The following EPHA6 variants were observed in gnomAD, a reference collection of about 807,000 sequenced individuals.
The protein encoded by EPHA6 is ephrin type-A receptor 6.
A neutral mutation model predicts 112.0 loss-of-function variants in EPHA6; 50 were observed. The ratio of observed to expected loss-of-function variants is 0.45; its 90% CI spans 0.36 to 0.56. The LOEUF (loss-of-function observed/expected upper bound fraction) is 0.56. Ranked by LOEUF, EPHA6 falls within the 20% of genes least tolerant of loss-of-function variation. The probability of loss-of-function intolerance (pLI) is 0.00; values close to 1 mark genes in which losing one functional copy is unlikely to be tolerated. For synonymous variants in EPHA6, 529 were observed against 490.7 expected (o/e 1.08, Z -1.03); for missense variants, 1,280 against 1,417.4 (o/e 0.90, Z 1.56).
At chr3:96,992,521 T>C (rs1046171272) in intron 3 of EPHA6, among the ~76,000 whole-genome samples, 3 of 152,220 alleles carry the variant, frequency 2.0e-5, no homozygotes, top group Non-Finnish European at 4.4e-5. Context: ...TCATGTATAA[T>C]GCTTCATCTG....
intron 6 of EPHA6, 122 bp downstream of exon 6, chr3:97,405,396 T>C (rs1296376154): frequency 3.4e-5 from 26 of 763,798 alleles, no homozygotes; most frequent in Non-Finnish European, 5.1e-5. Context: ...CCTAGCCTCA[T>C]ACCTTCTGTT....
chr3:97,348,089 T>C (rs1164484699), intron 5 of EPHA6, among the ~76,000 whole-genome samples: 1 of 152,138 alleles, frequency 6.6e-6, no homozygotes, highest in Admixed American at 6.6e-5. Context: ...TTTACATACA[T>C]GCTTTCTATG....
intron 14 of EPHA6, among the ~76,000 whole-genome samples, chr3:97,715,834 AG>A (rs1256740494): frequency 6.6e-6 from 1 of 152,218 alleles, no homozygotes; most frequent in Non-Finnish European, 1.5e-5. Context: ...CCTATTTATC[AG>A]ACAACAATCT....
intron 5 of EPHA6, among the ~76,000 whole-genome samples, chr3:97,399,345 G>A (rs1485509441): frequency 6.6e-6 from 1 of 151,480 alleles, no homozygotes; most frequent in African/African-American, 2.4e-5. Flanking sequence ...TTCATCTGTT[G>A]ATGGATACTT....
intron 11 of EPHA6, among the ~76,000 whole-genome samples, chr3:97,588,798 G>A (rs1213674263): frequency 1.3e-5 from 2 of 152,152 alleles, no homozygotes; most frequent in Admixed American, 6.5e-5. Flanking sequence ...TTGTTAGTCT[G>A]TTATCTTTTA....
At chr3:97,124,455 G>T (rs1026142588) in intron 3 of EPHA6, among the ~76,000 whole-genome samples, 1 of 132,390 alleles carries the variant, frequency 7.6e-6, no homozygotes, top group Non-Finnish European at 1.5e-5. Flanking sequence ...GATTAGAGAG[G>T]CATTCTGTTT....
Position 97,361,978 on chromosome 3 carries a change from T to A in EPHA6, c.1607-43172T>A, listed in dbSNP as rs138551519. Among the ~76,000 whole-genome samples the A allele has an allele frequency of 3.7e-3, 557 of 152,302 alleles. 2 individuals carry two copies. Among genetic ancestry groups the A allele is most frequent in the African/African-American group, 0.013 (521 of 41,570 alleles). On this transcript the variant is annotated intron_variant, in intron 5 of 17. Coordinates refer to ENST00000389672, the MANE Select transcript of EPHA6 (RefSeq NM_001080448.3). ...AAGTTTACCTAAAAACCTGTTTTTA[T>A]TCATTCAGAAAATATTTCATGAAGA... is the stretch of plus-strand genomic sequence containing the variant.
intron 7 of EPHA6, among the ~76,000 whole-genome samples, chr3:97,450,467 T>C (rs1465682690): frequency 6.6e-6 from 1 of 152,088 alleles, no homozygotes; most frequent in African/African-American, 2.4e-5. Context: ...AAGTGAGAAA[T>C]GCACTCTCAG....
At chr3:96,827,722 A>G (rs569154661) in intron 1 of EPHA6, among the ~76,000 whole-genome samples, 12 of 152,266 alleles carry the variant, frequency 7.9e-5, no homozygotes, top group African/African-American at 2.9e-4. Context: ...TTGGAATCAA[A>G]TGTCCCGAAA....
At position 97,203,178 on chromosome 3, in the gene EPHA6, G is replaced by A. The variant is rs540420737; in HGVS notation, c.1115-23086G>A. Among the ~76,000 whole-genome samples the A allele has an allele frequency of 1.1e-4, 17 of 152,208 alleles. No individual in the cohort carries two copies. In the East Asian group the frequency reaches 2.1e-3, roughly 19 times the overall value. ...GTCTCTGCTTCTAAGGTTCATTGAC[G>A]TATTTACAAGATCACTCTGATCATA... On this transcript the variant is annotated intron_variant, in intron 3 of 17. Coordinates refer to ENST00000389672, the MANE Select transcript of EPHA6 (RefSeq NM_001080448.3).
At chr3:97,251,715 T>C (rs1160686964) in intron 5 of EPHA6, among the ~76,000 whole-genome samples, 1 of 152,330 alleles carries the variant, frequency 6.6e-6, no homozygotes, top group African/African-American at 2.4e-5. Context: ...CTTCCATGTA[T>C]TCCTCTGCAC....
At chr3:97,146,700 T>G (rs1246298165) in intron 3 of EPHA6, among the ~76,000 whole-genome samples, 1 of 151,986 alleles carries the variant, frequency 6.6e-6, no homozygotes, top group African/African-American at 2.4e-5. Context: ...GTCCTTTAGA[T>G]TCTACCTTTC....
intron 13 of EPHA6, chr3:97,612,488 A>G (rs755692290): frequency 9.2e-5 from 31 of 338,344 alleles, no homozygotes; most frequent in Non-Finnish European, 1.5e-4. Context: ...GGGAAATATT[A>G]GCTTCTCCCC....
At chr3:96,871,052 T>C (rs1431432139) in intron 2 of EPHA6, among the ~76,000 whole-genome samples, 1 of 152,070 alleles carries the variant, frequency 6.6e-6, no homozygotes, top group African/African-American at 2.4e-5. Flanking sequence ...CTATAGTTAC[T>C]GTTTTCAAAC....
chr3:97,010,187 A>G, intron 3 of EPHA6: 1 of 782,918 alleles, frequency 1.3e-6, no homozygotes, highest in Non-Finnish European at 1.8e-6. Context: ...TTGTGTTGGT[A>G]TGAAATATGG....
chr3:97,679,558 T>C (rs1291591857), intron 14 of EPHA6, among the ~76,000 whole-genome samples: 1 of 152,162 alleles, frequency 6.6e-6, no homozygotes, highest in Non-Finnish European at 1.5e-5. Flanking sequence ...GAAAGAATCA[T>C]TAACGGGAAT....
At chr3:97,477,116 G>A (rs529871304) in intron 8 of EPHA6, among the ~76,000 whole-genome samples, 2 of 152,184 alleles carry the variant, frequency 1.3e-5, no homozygotes, top group South Asian at 2.1e-4. Flanking sequence ...ACCTCTGACA[G>A]CTAACTGCCA....
intron 5 of EPHA6, among the ~76,000 whole-genome samples, chr3:97,323,665 A>G (rs1209522613): frequency 6.6e-6 from 1 of 152,020 alleles, no homozygotes; most frequent in Non-Finnish European, 1.5e-5. Flanking sequence ...AAATCCTCAC[A>G]TAAAAAAATT....
chr3:96,822,637 T>C (rs2033349654), intron 1 of EPHA6, among the ~76,000 whole-genome samples: 1 of 151,492 alleles, frequency 6.6e-6, no homozygotes, highest in Non-Finnish European at 1.5e-5. Context: ...ACTCTTGTAA[T>C]GTTAGGTATC....
Sources: gnomAD v4.1 joint callset for allele counts (sites outside exome capture counted in the v4.1 genomes callset) on GRCh38, gnomAD v4.1.1 for gene constraint, MANE v1.5 for transcripts, NCBI Gene and HGNC (gene_info 2026-07-23, HGNC 2026-07-21) for gene names.